ST8SIA4: variants seen among roughly 807,000 people sequenced by gnomAD.
ST8SIA4 encodes the protein ST8 alpha-N-acetyl-neuraminide alpha-2,8-sialyltransferase 4.
ST8SIA4 carries 15 observed loss-of-function variants against 33.9 expected under a neutral mutation model. That is an observed-to-expected ratio of 0.44 (90% CI 0.30 to 0.68). The LOEUF (loss-of-function observed/expected upper bound fraction) is 0.68, where lower values mean the gene tolerates loss of function less well. ST8SIA4 is among the 30% of genes least tolerant of loss of function. ST8SIA4 has a pLI of 0.10. For missense variants in ST8SIA4, 321 were observed against 428.0 expected, an observed-to-expected ratio of 0.75 and a Z score of 2.21; for synonymous variants, 171 against 151.2, an observed-to-expected ratio of 1.13 and a Z score of -0.96.
intron 4 of ST8SIA4, among the ~76,000 whole-genome samples, chr5:100,829,310 C>T (rs1051604960): frequency 1.3e-5 from 2 of 152,168 alleles, no homozygotes; most frequent in Admixed American, 6.5e-5. Context: ...GTCTTTTGGT[C>T]TCTCATGGAT....
intron 3 of ST8SIA4, chr5:100,885,456 T>C: frequency 1.1e-6 from 1 of 934,056 alleles, no homozygotes; most frequent in Non-Finnish European, 1.3e-6. Context: ...CAAAAAATAT[T>C]CAAAATATTC....
chr5:100,822,191 A>G (rs1287451083), intron 4 of ST8SIA4, among the ~76,000 whole-genome samples: 1 of 152,172 alleles, frequency 6.6e-6, no homozygotes, highest in Admixed American at 6.6e-5. Context: ...CCACATGTCA[A>G]TCTCTATTTG....
chr5:100,822,747 C>A (rs1751054326), intron 4 of ST8SIA4, among the ~76,000 whole-genome samples: 1 of 152,148 alleles, frequency 6.6e-6, no homozygotes, highest in African/African-American at 2.4e-5. Context: ...TGCTGGGCTA[C>A]ATTCCAGACG....
At chr5:100,901,274 C>G (rs1011454841) in intron 1 of ST8SIA4, among the ~76,000 whole-genome samples, 8 of 152,178 alleles carry the variant, frequency 5.3e-5, no homozygotes, top group Non-Finnish European at 8.8e-5. Context: ...CTCCAGGGTC[C>G]CAGCCAAGGG....
intron 3 of ST8SIA4, among the ~76,000 whole-genome samples, chr5:100,868,140 A>G (rs974026582): frequency 7.2e-5 from 11 of 152,138 alleles, no homozygotes; most frequent in African/African-American, 2.2e-4. Flanking sequence ...AGGTACCACC[A>G]TGTTTCTTTG....
intron 4 of ST8SIA4, among the ~76,000 whole-genome samples, chr5:100,852,180 G>A (rs1241873378): frequency 8.0e-6 from 1 of 125,614 alleles, no homozygotes; most frequent in African/African-American, 3.1e-5. Context: ...GAGTGCAGTA[G>A]CATGAGCTCG....
intron 4 of ST8SIA4, among the ~76,000 whole-genome samples, chr5:100,821,397 A>G (rs1751028890): frequency 6.6e-6 from 1 of 152,112 alleles, no homozygotes; most frequent in Non-Finnish European, 1.5e-5. Flanking sequence ...GCACTTAGAG[A>G]ATATACTTTC....
At chr5:100,830,119 C>T (rs1222005331) in intron 4 of ST8SIA4, among the ~76,000 whole-genome samples, 21 of 152,116 alleles carry the variant, frequency 1.4e-4, no homozygotes, top group Admixed American at 1.1e-3. Flanking sequence ...TTATGTGGCT[C>T]GCTCTAAGAC....
At position 100,887,947 on chromosome 5, in the gene ST8SIA4, A is replaced by G. The variant is rs184813577; in HGVS notation, c.246-1347T>C. 2.1e-4 allele frequency among the ~76,000 whole-genome samples: 32 copies of G among 152,116 alleles called. No individual in the cohort carries two copies. In the East Asian group the frequency reaches 5.4e-3, roughly 26 times the overall value. ...CCTTTTAAATGTTCCTGTAACCCCA[A>G]TCAGCAAGAGATACCACTATAAATT... On this transcript the variant is annotated intron_variant, in intron 2 of 4. Transcript: ENST00000231461.
chr5:100,901,989 G>A (rs990547865), intron 1 of ST8SIA4, among the ~76,000 whole-genome samples: 3 of 152,144 alleles, frequency 2.0e-5, no homozygotes, highest in Admixed American at 2.0e-4. Flanking sequence ...ACCGGAACAG[G>A]GAGGATTTCC....
intron 4 of ST8SIA4, among the ~76,000 whole-genome samples, chr5:100,813,331 T>G (rs976976463): frequency 1.9e-4 from 29 of 152,070 alleles, no homozygotes; most frequent in African/African-American, 6.8e-4. Context: ...TAATTCTATA[T>G]TTTGTCTTTC....
At chr5:100,868,345 G>A (rs1007792908) in intron 3 of ST8SIA4, among the ~76,000 whole-genome samples, 2 of 151,938 alleles carry the variant, frequency 1.3e-5, no homozygotes, top group African/African-American at 4.8e-5. Context: ...CCATATTTGT[G>A]TGCATGTGTA....
rs1205148321 is a variant in ST8SIA4, at chr5:100,809,138, A to C, written c.*2709T>G. 1 of 152,624 alleles carries C rather than the reference A, an allele frequency of 6.6e-6. No individual in the cohort carries two copies. The highest frequency in any genetic ancestry group is 1.5e-5 in the Non-Finnish European group (1 of 68,034). The allele number at this position is 152,624 out of a possible 1,614,324, so 9.5% of individuals were successfully genotyped here. A position where few individuals can be genotyped will look rare whatever the true frequency, so the allele number is the denominator to read the frequency against. On this transcript the variant is annotated 3_prime_UTR_variant, in exon 5 of 5. Transcript: ENST00000231461. ...TGTGCTGTGGCCTTAACATTGTTTA[A>C]ATGTATTTACTGAAAATATACTAAA... is the stretch of plus-strand genomic sequence containing the variant.
chr5:100,852,443 TA>T (rs3064415), intron 4 of ST8SIA4, among the ~76,000 whole-genome samples: 91,156 of 148,972 alleles, frequency 0.61, 28,258 homozygotes, highest in South Asian at 0.74. Context: ...CATTCTTTAT[TA>T]AAAAAAAAAA....
chr5:100,812,906 T>C (rs1357343305), intron 4 of ST8SIA4, among the ~76,000 whole-genome samples: 1 of 152,164 alleles, frequency 6.6e-6, no homozygotes, highest in African/African-American at 2.4e-5. Context: ...TTTCTTGGCA[T>C]ATTCATTTCC....
chr5:100,859,462 A>C (rs1028355689), intron 3 of ST8SIA4, among the ~76,000 whole-genome samples: 14 of 152,094 alleles, frequency 9.2e-5, no homozygotes, highest in Non-Finnish European at 1.5e-4. Flanking sequence ...TGCCCATTTT[A>C]TATTTGACAT....
At chr5:100,813,301 G>GA (rs1177825186) in intron 4 of ST8SIA4, among the ~76,000 whole-genome samples, 4 of 151,844 alleles carry the variant, frequency 2.6e-5, no homozygotes, top group Non-Finnish European at 4.4e-5. Flanking sequence ...CCAAAACAGG[G>GA]AAAATATACC....
chr5:100,823,824 C>T (rs1038176060), intron 4 of ST8SIA4, among the ~76,000 whole-genome samples: 1 of 152,188 alleles, frequency 6.6e-6, no homozygotes, highest in Admixed American at 6.5e-5. Context: ...CTGCCTAAGA[C>T]AAACATTTAT....
Position 100,895,924 on chromosome 5 carries a change from A to G in ST8SIA4, c.114-139T>C, listed in dbSNP as rs76491772. ...ACAAGTTAGAAGGAAATACGCAAGC[A>G]TGATGAAAGGTGTTATGAGGATTAA... On this transcript the variant is annotated intron_variant, in intron 1 of 4. Coordinates refer to ENST00000231461, the MANE Select transcript of ST8SIA4 (RefSeq NM_005668.6). 2,531 of 795,592 alleles carry G rather than the reference A, an allele frequency of 3.2e-3. 32 individuals are homozygous for G. The highest frequency in any genetic ancestry group is 0.031 in the East Asian group (1,090 of 35,054). 49.3% of individuals were successfully genotyped at this position (795,592 alleles called of 1,614,324 possible). A position where few individuals can be genotyped will look rare whatever the true frequency, so the allele number is the denominator to read the frequency against.
Sources: allele counts gnomAD v4.1 joint callset (sites outside exome capture counted in the v4.1 genomes callset), GRCh38; gene constraint gnomAD v4.1.1; transcripts MANE v1.5; gene names NCBI Gene and HGNC (gene_info 2026-07-23, HGNC 2026-07-21).